Variants in KCNH1 observed in about 807,000 individuals in gnomAD.
KCNH1 encodes the protein voltage-gated delayed rectifier potassium channel KCNH1.
In KCNH1, 27 loss-of-function variants were observed where a neutral mutation model predicts 69.2. The observed-to-expected ratio is 0.39, with a 90% confidence interval of 0.29 to 0.54. The LOEUF is 0.54. Ranked by LOEUF, KCNH1 falls within the 20% of genes least tolerant of loss-of-function variation. The probability of loss-of-function intolerance (pLI) is 0.68; values close to 1 mark genes in which losing one functional copy is unlikely to be tolerated. For missense variants in KCNH1, 798 were observed against 1,261.6 expected, an observed-to-expected ratio of 0.63 and a Z score of 5.57; for synonymous variants, 456 against 487.7, an observed-to-expected ratio of 0.93 and a Z score of 0.86.
intron 6 of KCNH1, among the ~76,000 whole-genome samples, chr1:210,955,153 C>T (rs995087267): frequency 1.4e-4 from 21 of 152,046 alleles, no homozygotes; most frequent in Non-Finnish European, 2.5e-4. Flanking sequence ...ATTTATTAAA[C>T]AGGGAATCCT....
At chr1:211,023,163 T>TAAA (rs200924210) in intron 5 of KCNH1, among the ~76,000 whole-genome samples, 27,546 of 94,734 alleles carry the variant, frequency 0.29, 2,949 homozygotes, top group African/African-American at 0.32. Flanking sequence ...AATAAATAAA[T>TAAA]TAAAAATGCT....
intron 5 of KCNH1, among the ~76,000 whole-genome samples, chr1:211,067,002 G>A (rs1313162069): frequency 2.1e-5 from 3 of 145,154 alleles, no homozygotes; most frequent in Admixed American, 6.8e-5. Flanking sequence ...GCTTCCTCAC[G>A]GGGAAGGTTT....
intron 7 of KCNH1, among the ~76,000 whole-genome samples, chr1:210,838,360 C>T (rs568310881): frequency 6.6e-6 from 1 of 152,228 alleles, no homozygotes; most frequent in South Asian, 2.1e-4. Flanking sequence ...GGATTAAAAA[C>T]TTAAATATAA....
At chr1:210,935,894 A>G (rs2102582007) in intron 6 of KCNH1, among the ~76,000 whole-genome samples, 1 of 152,354 alleles carries the variant, frequency 6.6e-6, no homozygotes, top group South Asian at 2.1e-4. Context: ...TTTAGCAATT[A>G]ATAGATTCAT....
intron 6 of KCNH1, among the ~76,000 whole-genome samples, chr1:210,971,990 G>A (rs560267534): frequency 2.0e-4 from 30 of 152,158 alleles, no homozygotes; most frequent in Middle Eastern, 6.8e-3. Context: ...GGGGTCAAGG[G>A]AAGGTGCAGA....
intron 5 of KCNH1, among the ~76,000 whole-genome samples, chr1:211,069,990 C>T (rs1287858514): frequency 1.3e-5 from 2 of 152,036 alleles, no homozygotes; most frequent in Non-Finnish European, 2.9e-5. Flanking sequence ...ATAACATACA[C>T]ATAATGAGAA....
chr1:210,839,459 G>A (rs920195874), intron 7 of KCNH1, among the ~76,000 whole-genome samples: 1 of 152,274 alleles, frequency 6.6e-6, no homozygotes. Context: ...AGAGAATCAG[G>A]AAGACTAGCT....
chr1:211,090,511 A>C (rs746625518), intron 4 of KCNH1, 51 bp downstream of exon 4: 2 of 1,526,158 alleles, frequency 1.3e-6, no homozygotes, highest in South Asian at 2.5e-5. Flanking sequence ...CAAGAGCCAC[A>C]ATAAAGACAA....
chr1:210,835,947 T>C (rs1227709740), intron 7 of KCNH1, among the ~76,000 whole-genome samples: 1 of 151,744 alleles, frequency 6.6e-6, no homozygotes, highest in African/African-American at 2.4e-5. Context: ...ATGGCCAACA[T>C]AGTGAAACCC....
At chr1:210,880,762 C>T (rs1686476260) in intron 7 of KCNH1, among the ~76,000 whole-genome samples, 1 of 151,900 alleles carries the variant, frequency 6.6e-6, no homozygotes, top group African/African-American at 2.4e-5. Context: ...TCTCCTCTGT[C>T]AAAGACACTG....
intron 9 of KCNH1, among the ~76,000 whole-genome samples, chr1:210,795,905 G>A (rs1271252678): frequency 1.3e-5 from 2 of 151,576 alleles, no homozygotes; most frequent in African/African-American, 2.4e-5. Flanking sequence ...GGCAGATCAC[G>A]AGGTCAGGAG....
chr1:210,795,295 T>C (rs931254070), intron 9 of KCNH1, among the ~76,000 whole-genome samples: 4 of 152,114 alleles, frequency 2.6e-5, no homozygotes, highest in Admixed American at 6.6e-5. Flanking sequence ...CACAAGCATA[T>C]ACCACCATGC....
intron 6 of KCNH1, among the ~76,000 whole-genome samples, chr1:210,940,507 C>A (rs756170353): frequency 6.6e-6 from 1 of 152,198 alleles, no homozygotes; most frequent in African/African-American, 2.4e-5. Context: ...TAGCTTGCAA[C>A]CTTCCATTTG....
intron 6 of KCNH1, among the ~76,000 whole-genome samples, chr1:210,951,241 C>T (rs973030849): frequency 3.9e-5 from 6 of 152,022 alleles, no homozygotes; most frequent in African/African-American, 1.2e-4. Flanking sequence ...GTGTGCTGTG[C>T]GAAGAGTAGC....
At chr1:211,029,875 C>T (rs4951491) in intron 5 of KCNH1, among the ~76,000 whole-genome samples, 115,747 of 152,134 alleles carry the variant, frequency 0.76, 44,536 homozygotes, top group East Asian at 0.89. Flanking sequence ...ATAAAAATTA[C>T]TGTATTTCTA....
intron 6 of KCNH1, among the ~76,000 whole-genome samples, chr1:210,935,054 G>A (rs1475624738): frequency 2.0e-5 from 3 of 149,802 alleles, no homozygotes; most frequent in East Asian, 2.0e-4. Context: ...CTATAGCACT[G>A]TTCACAATAG....
chr1:210,997,184 G>A (rs538992122), intron 6 of KCNH1, among the ~76,000 whole-genome samples: 33 of 152,334 alleles, frequency 2.2e-4, no homozygotes, highest in African/African-American at 6.7e-4. Context: ...TTAGCTGACA[G>A]AAGAAGGCTT....
At chr1:210,861,083 G>A (rs1227685346) in intron 7 of KCNH1, 1 of 900,298 alleles carries the variant, frequency 1.1e-6, no homozygotes, top group Non-Finnish European at 1.8e-6. Context: ...ACTATGGGCT[G>A]TAAACAAAAG....
chr1:210,961,251 A>T (rs7551412), intron 6 of KCNH1, among the ~76,000 whole-genome samples: 32,772 of 148,728 alleles, frequency 0.22, 5,132 homozygotes, highest in African/African-American at 0.43. Context: ...CGACTTGCAA[A>T]TTTTTTTTTT....
Sources: gnomAD v4.1 joint callset for allele counts (sites outside exome capture counted in the v4.1 genomes callset) on GRCh38, gnomAD v4.1.1 for gene constraint, MANE v1.5 for transcripts, NCBI Gene and HGNC (gene_info 2026-07-23, HGNC 2026-07-21) for gene names.